The following FAM222B variants were observed in gnomAD, a reference collection of about 807,000 sequenced individuals.
The protein encoded by FAM222B is protein FAM222B.
A neutral mutation model predicts 38.0 loss-of-function variants in FAM222B; 12 were observed. The ratio of observed to expected loss-of-function variants is 0.32; its 90% CI spans 0.20 to 0.51. The LOEUF (loss-of-function observed/expected upper bound fraction) is 0.51, where lower values mean the gene tolerates loss of function less well. Among genes scored for constraint, FAM222B ranks in the 20% least tolerant of loss-of-function variants. The probability of loss-of-function intolerance (pLI) is 0.97; values close to 1 mark genes in which losing one functional copy is unlikely to be tolerated. For synonymous variants in FAM222B, 329 were observed against 317.2 expected (o/e 1.04, Z -0.40); for missense variants, 716 against 754.2 (o/e 0.95, Z 0.59).
intron 1 of FAM222B, among the ~76,000 whole-genome samples, chr17:28,830,833 AT>A (rs1381176707): frequency 2.8e-4 from 42 of 149,248 alleles, no homozygotes; most frequent in African/African-American, 9.0e-4. Context: ...TAAAAAAAAA[AT>A]AAAATAAAAT....
intron 1 of FAM222B, among the ~76,000 whole-genome samples, chr17:28,833,009 TAAAAAAAAA>T (rs779596504): frequency 1.1e-5 from 1 of 90,800 alleles, no homozygotes; most frequent in Non-Finnish European, 2.1e-5. Flanking sequence ...CTGTCTCTAT[TAAAAAAAAA>T]AAAAAAAAAA....
At chr17:28,815,005 C>T (rs1320416289) in intron 1 of FAM222B, among the ~76,000 whole-genome samples, 1 of 149,534 alleles carries the variant, frequency 6.7e-6, no homozygotes, top group Non-Finnish European at 1.5e-5. Context: ...AACTCCAGAC[C>T]TCAGGTGATC....
intron 1 of FAM222B, among the ~76,000 whole-genome samples, chr17:28,818,828 GAA>G (rs1830851385): frequency 6.6e-6 from 1 of 152,178 alleles, no homozygotes; most frequent in South Asian, 2.1e-4. Context: ...CCAAAATCCT[GAA>G]AAAGTTTCAC....
Position 28,853,325 on chromosome 17 carries a change from C to A in FAM222B, c.-41+1625G>T, listed in dbSNP as rs60449932. On this transcript the variant is annotated intron_variant, in intron 1 of 2. Coordinates refer to the FAM222B transcript ENST00000577513. Reference sequence around the variant, plus strand: ...GCTGTAGTGAGCCATGATTGCACCACTGCACTCCAGTCTGGGTGAGAGAGC... The same window carrying A: ...GCTGTAGTGAGCCATGATTGCACCAATGCACTCCAGTCTGGGTGAGAGAGC... Among the ~76,000 whole-genome samples, 805 of 152,118 alleles carry A rather than the reference C, an allele frequency of 5.3e-3. 4 individuals carry two copies. Among genetic ancestry groups the A allele is most frequent in the African/African-American group, 0.018 (763 of 41,506 alleles).
At chr17:28,835,519 T>C (rs1449505169) in intron 1 of FAM222B, among the ~76,000 whole-genome samples, 1 of 152,202 alleles carries the variant, frequency 6.6e-6, no homozygotes, top group African/African-American at 2.4e-5. Context: ...AGCCTAGTTA[T>C]GGCTTACTGG....
chr17:28,770,350 GA>G (rs2035564708), intron 1 of FAM222B, among the ~76,000 whole-genome samples: 1 of 152,172 alleles, frequency 6.6e-6, no homozygotes, highest in Non-Finnish European at 1.5e-5. Flanking sequence ...CAGAGCCCAG[GA>G]CTGAAACCTA....
chr17:28,815,954 G>A (rs1413776975), intron 1 of FAM222B, among the ~76,000 whole-genome samples: 10 of 144,046 alleles, frequency 6.9e-5, no homozygotes, highest in Non-Finnish European at 1.2e-4. Context: ...GCAACAGAGC[G>A]AGACTCCGTC....
intron 1 of FAM222B, among the ~76,000 whole-genome samples, chr17:28,804,641 T>C (rs969027133): frequency 2.6e-5 from 4 of 152,154 alleles, no homozygotes; most frequent in African/African-American, 7.2e-5. Flanking sequence ...GCCTCTAATA[T>C]AGATTTTATA....
chr17:28,830,990 C>CTTTTTTTTTTTTTTTTTTTTTTTTTTT (rs56073818), intron 1 of FAM222B, among the ~76,000 whole-genome samples: 1 of 117,810 alleles, frequency 8.5e-6, no homozygotes. Flanking sequence ...GTGAATGTTT[C>CTTTTTTTTTTTTTTTTTTTTTTTTTTT]TTTTTTTTTT....
intron 2 of FAM222B, among the ~76,000 whole-genome samples, chr17:28,764,845 C>T (rs964334438): frequency 3.3e-5 from 5 of 152,146 alleles, no homozygotes; most frequent in African/African-American, 9.7e-5. Context: ...CTTGATATCA[C>T]ATCTTTGGGT....
At position 28,847,981 on chromosome 17, in the gene FAM222B, G is replaced by A. The variant is rs530806976; in HGVS notation, c.-41+6969C>T. Reference sequence around the variant, plus strand: ...TAGTGTAGTGAAGATGAAGGAGAGAGAAGCAGATGGAGCCTGCGCATGTTG... The same window carrying A: ...TAGTGTAGTGAAGATGAAGGAGAGAAAAGCAGATGGAGCCTGCGCATGTTG... On this transcript the variant is annotated intron_variant, in intron 1 of 2. Coordinates refer to the FAM222B transcript ENST00000577513. Among the ~76,000 whole-genome samples the A allele has an allele frequency of 4.0e-5, 6 of 151,816 alleles. No homozygotes were observed. The South Asian group carries it at 1.2e-3, about 32-fold the overall frequency.
chr17:28,835,994 TTA>T (rs1555590416), intron 1 of FAM222B, among the ~76,000 whole-genome samples: 1 of 98,776 alleles, frequency 1.0e-5, no homozygotes, highest in African/African-American at 3.4e-5. Context: ...CTTATTTTTA[TTA>T]TATATTTTTT....
intron 1 of FAM222B, among the ~76,000 whole-genome samples, chr17:28,788,837 G>A (rs2036534499): frequency 6.6e-6 from 1 of 151,874 alleles, no homozygotes; most frequent in Non-Finnish European, 1.5e-5. Flanking sequence ...TGCCTCCCAG[G>A]TTCAAACAAT....
At chr17:28,783,514 A>ATT (rs780468798) in intron 1 of FAM222B, among the ~76,000 whole-genome samples, 6 of 97,186 alleles carry the variant, frequency 6.2e-5, no homozygotes, top group African/African-American at 1.4e-4. Context: ...CCTTCATGAG[A>ATT]TTTTTTTTTT....
In FAM222B at chr17:28,791,780, C is replaced by A. The variant is rs578175398; in HGVS notation, c.-40-25073G>T. On this transcript the variant is annotated intron_variant, in intron 1 of 2. Coordinates refer to ENST00000581407, the MANE Select transcript of FAM222B (RefSeq NM_001077498.3). ...GTTCAAGTGATTGTCCTGCCTCAGT[C>A]TCCTGAGCAGCTGGGATTACAGGCA... Among the ~76,000 whole-genome samples, 7 of 149,720 alleles carry A rather than the reference C, an allele frequency of 4.7e-5. No individual in the cohort carries two copies. In the South Asian group the frequency reaches 8.4e-4, roughly 18 times the overall value.
chr17:28,810,754 C>A (rs1297899993), intron 1 of FAM222B, among the ~76,000 whole-genome samples: 1 of 152,212 alleles, frequency 6.6e-6, no homozygotes, highest in Non-Finnish European at 1.5e-5. Context: ...TATTTGAAAT[C>A]TTCTTTTTAA....
chr17:28,791,549 C>T lies in FAM222B; in HGVS notation c.-40-24842G>A, dbSNP rs2036684497. On this transcript the variant is annotated intron_variant, in intron 1 of 2. Transcript: ENST00000581407. ...TTATTCTAAAGATAGAGAATTTCGC[C>T]ATTGGAAAGCAAAAAACAAAAAACA... 2.0e-5 allele frequency among the ~76,000 whole-genome samples: 3 copies of T among 151,774 alleles called. No individual in the cohort carries two copies. In the South Asian group the frequency reaches 6.3e-4, roughly 32 times the overall value.
chr17:28,798,673 C>T (rs1051584534), intron 1 of FAM222B, among the ~76,000 whole-genome samples: 17 of 148,900 alleles, frequency 1.1e-4, no homozygotes, highest in Admixed American at 7.4e-4. Context: ...CTTGCTCTCT[C>T]GCCCAAACTG....
chr17:28,769,405 TCTC>T (rs962972151), intron 1 of FAM222B, among the ~76,000 whole-genome samples: 15 of 151,972 alleles, frequency 9.9e-5, no homozygotes, highest in Non-Finnish European at 5.9e-5. Context: ...ATGGTCTCAA[TCTC>T]CTGACCTCAT....
Sources: allele counts gnomAD v4.1 joint callset (sites outside exome capture counted in the v4.1 genomes callset), GRCh38; gene constraint gnomAD v4.1.1; transcripts MANE v1.5; gene names NCBI Gene and HGNC (gene_info 2026-07-23, HGNC 2026-07-21).